RNF150: variants seen among roughly 807,000 people sequenced by gnomAD.
RNF150 encodes ring finger protein 150.
RNF150 carries 24 observed loss-of-function variants against 39.3 expected under a neutral mutation model. That is an observed-to-expected ratio of 0.61 (90% CI 0.44 to 0.86). The LOEUF (loss-of-function observed/expected upper bound fraction) is 0.86. RNF150 is among the 40% of genes least tolerant of loss of function. RNF150 has a pLI of 0.00. For synonymous variants in RNF150, 255 were observed against 227.3 expected, an observed-to-expected ratio of 1.12 and a Z score of -1.10; for missense variants, 502 against 587.8, an observed-to-expected ratio of 0.85 and a Z score of 1.51.
chr4:141,054,665 G>A (rs1298553888), intron 1 of RNF150, among the ~76,000 whole-genome samples: 5 of 152,054 alleles, frequency 3.3e-5, no homozygotes, highest in African/African-American at 1.2e-4. Flanking sequence ...ACAAGTTAAT[G>A]TGCTGATGGT....
intron 1 of RNF150, among the ~76,000 whole-genome samples, chr4:141,119,875 C>T (rs963078170): frequency 2.6e-5 from 4 of 152,204 alleles, no homozygotes; most frequent in Non-Finnish European, 4.4e-5. Flanking sequence ...GCAAGAATAG[C>T]TCTGCTAAGC....
At chr4:141,079,092 G>T (rs1462911526) in intron 1 of RNF150, among the ~76,000 whole-genome samples, 1 of 152,022 alleles carries the variant, frequency 6.6e-6, no homozygotes, top group African/African-American at 2.4e-5. Flanking sequence ...GTTCTGCCAA[G>T]TTCTAATGAA....
chr4:140,870,809 G>C (rs1316159133), intron 6 of RNF150, among the ~76,000 whole-genome samples: 1 of 151,684 alleles, frequency 6.6e-6, no homozygotes, highest in African/African-American at 2.4e-5. Context: ...CCTAAATTTT[G>C]TTATTGTCTC....
intron 1 of RNF150, among the ~76,000 whole-genome samples, chr4:141,073,540 G>A (rs1042078490): frequency 2.0e-5 from 3 of 152,104 alleles, no homozygotes; most frequent in Non-Finnish European, 4.4e-5. Context: ...TCTGGAAAGA[G>A]GAAGGACTAT....
chr4:141,161,748 G>A (rs2111158743), intron 1 of RNF150, among the ~76,000 whole-genome samples: 1 of 152,316 alleles, frequency 6.6e-6, no homozygotes, highest in African/African-American at 2.4e-5. Flanking sequence ...GTGGCTCAAA[G>A]GGGCCCAGGT....
intron 6 of RNF150, among the ~76,000 whole-genome samples, chr4:140,892,699 G>T (rs1729796817): frequency 7.3e-6 from 1 of 136,330 alleles, no homozygotes; most frequent in Non-Finnish European, 1.5e-5. Context: ...AGGGATGTCG[G>T]CGACTTCTTG....
intron 5 of RNF150, among the ~76,000 whole-genome samples, chr4:140,924,052 C>T (rs1731280312): frequency 6.6e-6 from 1 of 152,096 alleles, no homozygotes; most frequent in African/African-American, 2.4e-5. Flanking sequence ...AGCACACCAA[C>T]ATAGCACATG....
chr4:141,059,906 T>G (rs1737144108), intron 1 of RNF150, among the ~76,000 whole-genome samples: 1 of 152,156 alleles, frequency 6.6e-6, no homozygotes, highest in Non-Finnish European at 1.5e-5. Flanking sequence ...GTTTATATAC[T>G]ATAAAACTCT....
intron 1 of RNF150, among the ~76,000 whole-genome samples, chr4:141,171,535 TG>T (rs1166391127): frequency 1.3e-5 from 2 of 151,716 alleles, no homozygotes; most frequent in Non-Finnish European, 2.9e-5. Flanking sequence ...GAGCACAGAA[TG>T]GGGGAACTGA....
chr4:140,992,396 A>C (rs1353694553), intron 1 of RNF150, among the ~76,000 whole-genome samples: 1 of 152,136 alleles, frequency 6.6e-6, no homozygotes, highest in Non-Finnish European at 1.5e-5. Context: ...AATGAAAAAC[A>C]AAAATTAAAA....
At chr4:141,126,108 A>G (rs1726746904) in intron 1 of RNF150, among the ~76,000 whole-genome samples, 1 of 151,902 alleles carries the variant, frequency 6.6e-6, no homozygotes, top group Non-Finnish European at 1.5e-5. Flanking sequence ...ACACACACAC[A>G]CACACATGCA....
At chr4:141,140,285 C>T (rs1271697655) in intron 1 of RNF150, among the ~76,000 whole-genome samples, 2 of 152,000 alleles carry the variant, frequency 1.3e-5, no homozygotes, top group Non-Finnish European at 2.9e-5. Flanking sequence ...CTTTTTTGCT[C>T]CTTTGAATTA....
At chr4:141,111,347 C>G (rs56110709) in intron 1 of RNF150, among the ~76,000 whole-genome samples, 5,610 of 152,170 alleles carry the variant, frequency 0.037, 150 homozygotes, top group Non-Finnish European at 0.056. Context: ...ACTTGGTTAG[C>G]TCTAAAATCT....
At chr4:141,088,073 A>T (rs1738435190) in intron 1 of RNF150, among the ~76,000 whole-genome samples, 1 of 152,196 alleles carries the variant, frequency 6.6e-6, no homozygotes, top group Non-Finnish European at 1.5e-5. Context: ...AACTATAGAC[A>T]AATTAATTAA....
intron 1 of RNF150, among the ~76,000 whole-genome samples, chr4:141,025,731 A>C (rs1735671719): frequency 6.6e-6 from 1 of 152,202 alleles, no homozygotes; most frequent in Non-Finnish European, 1.5e-5. Flanking sequence ...GATGTTTATT[A>C]GCATTATACT....
chr4:141,105,310 A>G (rs1446813612), intron 1 of RNF150, among the ~76,000 whole-genome samples: 3 of 152,162 alleles, frequency 2.0e-5, no homozygotes, highest in Non-Finnish European at 2.9e-5. Flanking sequence ...GGCCAATGTG[A>G]TAACTGAATT....
At chr4:141,031,070 T>G (rs1735925806) in intron 1 of RNF150, among the ~76,000 whole-genome samples, 1 of 152,082 alleles carries the variant, frequency 6.6e-6, no homozygotes, top group East Asian at 1.9e-4. Flanking sequence ...AAAACTCCAT[T>G]AGAACCCTGT....
intron 6 of RNF150, among the ~76,000 whole-genome samples, chr4:140,893,070 A>C (rs1254820104): frequency 6.6e-6 from 1 of 152,020 alleles, no homozygotes; most frequent in Admixed American, 6.6e-5. Context: ...CATCTCTTAA[A>C]AGAAAAAAAA....
chr4:141,203,391 A>C (rs535799135), intron 1 of RNF150, among the ~76,000 whole-genome samples: 4 of 150,170 alleles, frequency 2.7e-5, no homozygotes, highest in Admixed American at 6.6e-5. Context: ...GATATATAAT[A>C]TTGGAGATTT....
Sources: allele counts gnomAD v4.1 joint callset (sites outside exome capture counted in the v4.1 genomes callset), GRCh38; gene constraint gnomAD v4.1.1; transcripts MANE v1.5; gene names NCBI Gene and HGNC (gene_info 2026-07-23, HGNC 2026-07-21).